Variants in FAM3D observed in about 807,000 individuals in gnomAD.
The protein encoded by FAM3D is FAM3 metabolism regulating signaling molecule D, also known as protein FAM3D.
FAM3D carries 26 observed loss-of-function variants against 29.8 expected under a neutral mutation model. The observed-to-expected ratio is 0.87, with a 90% confidence interval of 0.64 to 1.21. The LOEUF (loss-of-function observed/expected upper bound fraction) is 1.21, where lower values mean the gene tolerates loss of function less well. FAM3D is among the 50% of genes most tolerant of loss of function. The probability of loss-of-function intolerance (pLI) is 0.00; values close to 1 mark genes in which losing one functional copy is unlikely to be tolerated. For synonymous variants in FAM3D, 115 were observed against 102.3 expected (o/e 1.12, Z -0.75); for missense variants, 253 against 290.9 (o/e 0.87, Z 0.95).
chr3:58,654,164 G>A (rs1224650529), intron 2 of FAM3D, among the ~76,000 whole-genome samples: 2 of 152,222 alleles, frequency 1.3e-5, no homozygotes. Flanking sequence ...TCTGGGAGGG[G>A]AGCCCTGGAA....
rs1266404720 is a variant in FAM3D at position 58,636,360 on chromosome 3, C to A, written c.519G>T (p.Leu173=). The change falls in exon 9 of 10, where the codon CTG becomes CTT. Residue 173 remains leucine (L), a synonymous_variant. Transcript: ENST00000358781. ...SDLGSSYAKQ[L]GFRDSWVFIG... ...TGAAGACCCAGCTGTCCCGGAAGCC[C>A]AGTTGTTTTGCGTAGGAACTCCCCA... is the stretch of plus-strand genomic sequence containing the variant. The A allele has an allele frequency of 6.2e-7, 1 of 1,614,192 alleles. No individual in the cohort carries two copies. The highest frequency in any genetic ancestry group is 1.1e-5 in the South Asian group (1 of 91,074).
At chr3:58,642,755 T>G (rs2066369884) in intron 6 of FAM3D, among the ~76,000 whole-genome samples, 1 of 152,146 alleles carries the variant, frequency 6.6e-6, no homozygotes, top group African/African-American at 2.4e-5. Flanking sequence ...TACTCCAAGC[T>G]GGAGGGAGGT....
At chr3:58,653,653 C>T (rs202112915) in intron 3 of FAM3D, 21 bp downstream of exon 3, 1 of 1,608,836 alleles carries the variant, frequency 6.2e-7, no homozygotes, top group East Asian at 2.2e-5. Context: ...GTTCCTGCCC[C>T]CAGCAGTGAG....
intron 3 of FAM3D, 142 bp from the exon 4 acceptor site, chr3:58,649,480 T>C: frequency 1.1e-6 from 1 of 881,028 alleles, no homozygotes; most frequent in Admixed American, 2.1e-5. Flanking sequence ...GCCTTGCCAC[T>C]GTCACCCCTT....
At chr3:58,665,862 G>A (rs2067020030) in intron 1 of FAM3D, among the ~76,000 whole-genome samples, 1 of 152,230 alleles carries the variant, frequency 6.6e-6, no homozygotes. Context: ...ATGTACTTCA[G>A]TGATGATTAT....
intron 7 of FAM3D, among the ~76,000 whole-genome samples, chr3:58,637,884 T>TATTATTATTA (rs2066219559): frequency 6.6e-6 from 1 of 150,500 alleles, no homozygotes; most frequent in African/African-American, 2.4e-5. Flanking sequence ...TTGTGATTAT[T>TATTATTATTA]ATTATTATTA....
intron 8 of FAM3D, 102 bp downstream of exon 8, chr3:58,637,039 C>T: frequency 3.0e-6 from 3 of 993,442 alleles, no homozygotes; most frequent in South Asian, 1.5e-5. Context: ...AGATAAGTTG[C>T]CAGAAAATGG....
At chr3:58,636,655 C>T (rs1455684850) in intron 8 of FAM3D, among the ~76,000 whole-genome samples, 2 of 152,176 alleles carry the variant, frequency 1.3e-5, no homozygotes, top group African/African-American at 4.8e-5. Context: ...GCTCTATTTA[C>T]AAATACAATA....
intron 1 of FAM3D, among the ~76,000 whole-genome samples, chr3:58,660,894 G>A (rs964610367): frequency 6.6e-6 from 1 of 152,162 alleles, no homozygotes; most frequent in Non-Finnish European, 1.5e-5. Flanking sequence ...TCACATAGCT[G>A]GCAAGAGTCA....
rs114184526 is a variant in FAM3D at position 58,634,940 on chromosome 3, G to T, written c.586-572C>A. Among the ~76,000 whole-genome samples, 6,187 of 152,182 alleles carry T rather than the reference G, an allele frequency of 0.041. 189 individuals carry two copies. The highest frequency in any genetic ancestry group is 0.071 in the Middle Eastern group (21 of 294). On this transcript the variant is annotated intron_variant, in intron 9 of 9. Transcript: ENST00000358781. This position sits in a 1 kb window ranked among gnomAD's most constrained non-coding sequence, Gnocchi z 4.6. The stretch of plus-strand genomic sequence containing the variant: ...CCTATCATCCCAGCACTTTGGGAGG[G>T]TAAGGAAGGAGGGTCACTTGAGGCC...
At chr3:58,665,257 A>G (rs1433850531) in intron 1 of FAM3D, among the ~76,000 whole-genome samples, 1 of 151,860 alleles carries the variant, frequency 6.6e-6, no homozygotes, top group Admixed American at 6.6e-5. Flanking sequence ...GGGCGCAACA[A>G]CCTCACTGAC....
chr3:58,646,273 C>T (rs748480834), intron 4 of FAM3D, among the ~76,000 whole-genome samples: 4 of 152,224 alleles, frequency 2.6e-5, no homozygotes, highest in Non-Finnish European at 5.9e-5. Context: ...AACAGGCAGA[C>T]GGTTCCGGTT....
rs767839104 is a variant in FAM3D, at chr3:58,640,175, T to C, written c.325A>G (p.Thr109Ala). Residue 109 changes from threonine (T) to alanine (A), a missense_variant and splice_region_variant, in exon 7 of 10, where the codon ACC (threonine) becomes GCC (alanine). By Grantham distance (58) the Thr-to-Ala change is moderately conservative. Coordinates refer to ENST00000358781, the MANE Select transcript of FAM3D (RefSeq NM_138805.3). ...RGLNIALVNGTTGAVLGQKAF... is the reference protein window; with the variant it reads ...RGLNIALVNGATGAVLGQKAF... ...TTCTGTCCCAGCACAGCTCCCGTGG[T>C]TCCTAGGGGTTAAGAGGAGAACGAT... The C allele has an allele frequency of 6.2e-7, 1 of 1,614,180 alleles. No homozygotes were observed. The highest frequency in any genetic ancestry group is 1.7e-5 in the Admixed American group (1 of 60,016).
At position 58,655,647 on chromosome 3, in the gene FAM3D, A is replaced by G; in HGVS notation, c.-38-46T>C. The G allele has an allele frequency of 2.6e-6, 4 of 1,513,140 alleles. No homozygotes were observed. In the South Asian group the frequency reaches 4.8e-5, roughly 18 times the overall value. The allele number at this position is 1,513,140 out of a possible 1,614,324, so 93.7% of individuals were successfully genotyped here. A position where few individuals can be genotyped will look rare whatever the true frequency, so the allele number is the denominator to read the frequency against. Reference sequence around the variant, plus strand: ...AGTCGGAAACTGGCATCAGGTCTGCAAGTGATCAAGCCTGAAGATGAGGGA... The same window carrying G: ...AGTCGGAAACTGGCATCAGGTCTGCGAGTGATCAAGCCTGAAGATGAGGGA... On this transcript the variant is annotated intron_variant, in intron 1 of 9. Transcript: ENST00000358781.
intron 5 of FAM3D, among the ~76,000 whole-genome samples, chr3:58,644,996 T>C (rs1216593445): frequency 1.3e-5 from 2 of 152,228 alleles, no homozygotes; most frequent in Non-Finnish European, 2.9e-5. Flanking sequence ...AGTTCTTTCA[T>C]AGGTTGCACT....
intron 1 of FAM3D, among the ~76,000 whole-genome samples, chr3:58,662,694 TC>T (rs1001703750): frequency 2.0e-5 from 3 of 152,098 alleles, no homozygotes; most frequent in Non-Finnish European, 4.4e-5. Flanking sequence ...GGACATCTGT[TC>T]CCCCTTCTTC....
At position 58,634,187 on chromosome 3, in the gene FAM3D, C is replaced by T. The variant is rs2066094627; in HGVS notation, c.*92G>A. The T allele has an allele frequency of 1.7e-6, 2 of 1,187,576 alleles. No homozygotes were observed. Among genetic ancestry groups the T allele is most frequent in the African/African-American group, 1.5e-5 (1 of 65,582 alleles). The allele number at this position is 1,187,576 out of a possible 1,614,324, so 73.6% of individuals were successfully genotyped here. A position where few individuals can be genotyped will look rare whatever the true frequency, so the allele number is the denominator to read the frequency against. On this transcript the variant is annotated 3_prime_UTR_variant, in exon 10 of 10. Coordinates refer to ENST00000358781, the MANE Select transcript of FAM3D (RefSeq NM_138805.3). The surrounding 1 kb of genome is among the most constrained non-coding windows in gnomAD (Gnocchi z 4.6). ...TGCAGCACCTTCCACGCAGCACCCC[C>T]TGCTCCTCCTCCTCAGCCCCTGCCG...
intron 5 of FAM3D, 92 bp downstream of exon 5, chr3:58,645,417 G>A (rs1415565760): frequency 6.8e-6 from 7 of 1,022,068 alleles, no homozygotes; most frequent in Non-Finnish European, 9.6e-6. Flanking sequence ...TGGTCTCACA[G>A]GCCAGCCCCT....
chr3:58,661,982 C>A (rs1018258480), intron 1 of FAM3D, among the ~76,000 whole-genome samples: 1 of 152,208 alleles, frequency 6.6e-6, no homozygotes, highest in Admixed American at 6.5e-5. Flanking sequence ...AGACATTCAG[C>A]CCCTTCCCTG....
Sources: gnomAD v4.1 joint callset for allele counts (sites outside exome capture counted in the v4.1 genomes callset) on GRCh38, gnomAD v4.1.1 for gene constraint, Gnocchi (gnomAD v3.1) non-coding constraint, MANE v1.5 for transcripts, NCBI Gene and HGNC (gene_info 2026-07-23, HGNC 2026-07-21) for gene names.